PCDHGB5: variants seen among roughly 807,000 people sequenced by gnomAD.
PCDHGB5 encodes the protein protocadherin gamma subfamily B, 5.
PCDHGB5 carries 48 observed loss-of-function variants against 62.9 expected under a neutral mutation model. The ratio of observed to expected loss-of-function variants is 0.76; its 90% CI spans 0.61 to 0.97. The LOEUF (loss-of-function observed/expected upper bound fraction) is 0.97, where lower values mean the gene tolerates loss of function less well. PCDHGB5 is among the 50% of genes least tolerant of loss of function. The pLI, the probability that PCDHGB5 is intolerant of heterozygous loss-of-function variation, is 0.00. For missense variants in PCDHGB5, 1,118 were observed against 1,198.6 expected, an observed-to-expected ratio of 0.93 and a Z score of 0.99; for synonymous variants, 474 against 511.2, an observed-to-expected ratio of 0.93 and a Z score of 0.98.
intron 1 of PCDHGB5, chr5:141,442,378 GGT>G (rs2098320015): frequency 6.6e-6 from 1 of 152,334 alleles, no homozygotes; most frequent in Middle Eastern, 3.4e-3. Context: ...ATTCCTACCA[GGT>G]GTGTGCTTCT....
chr5:141,401,320 C>A (rs1420214369), intron 1 of PCDHGB5, among the ~76,000 whole-genome samples: 1 of 151,626 alleles, frequency 6.6e-6, no homozygotes, highest in East Asian at 1.9e-4. Flanking sequence ...CCAGCCTGGG[C>A]AACAAGAGCA....
chr5:141,417,507 A>G (rs573832786), intron 1 of PCDHGB5: 1 of 234,942 alleles, frequency 4.3e-6, no homozygotes, highest in Non-Finnish European at 8.1e-6. Context: ...AAAGATTAAA[A>G]TATTTTGGCT....
rs778684539 is a variant in PCDHGB5 at position 141,477,205 on chromosome 5, G to A, written c.2398-17602G>A. ...CCTCCGTGTACAGCCCAGTACCCGA[G>A]GATGCCCCTCTGGGGACTGTCATCG... On this transcript the variant is annotated intron_variant, in intron 1 of 3. Transcript: ENST00000617380. The surrounding 1 kb of genome is among the most constrained non-coding windows in gnomAD (Gnocchi z 4.9). 1 of 1,614,184 alleles carries A rather than the reference G, an allele frequency of 6.2e-7. No homozygotes were observed. The highest frequency in any genetic ancestry group is 8.5e-7 in the Non-Finnish European group (1 of 1,180,042).
In PCDHGB5 at chr5:141,493,103, A is replaced by G. The variant is rs1396614836; in HGVS notation, c.2398-1704A>G. Among the ~76,000 whole-genome samples the G allele has an allele frequency of 6.6e-6, 1 of 152,086 alleles. No homozygotes were observed. The highest frequency in any genetic ancestry group is 1.5e-5 in the Non-Finnish European group (1 of 68,022). On this transcript the variant is annotated intron_variant, in intron 1 of 3. Transcript: ENST00000617380. The surrounding 1 kb of genome is among the most constrained non-coding windows in gnomAD (Gnocchi z 4.3). ...AGGAGCTTTTATTCAAAATATATCA[A>G]TGCCTAACTCTGCTCCTAGGACTGT...
At chr5:141,421,974 C>T in intron 1 of PCDHGB5, 3 of 1,609,644 alleles carry the variant, frequency 1.9e-6, no homozygotes, top group African/African-American at 1.3e-5. Flanking sequence ...CCGTATATCG[C>T]GTGAGTGTTC....
In PCDHGB5 at chr5:141,454,796, ATTTTT is replaced by A. The variant is rs61612330; in HGVS notation, c.2398-39986_2398-39982del. Among the ~76,000 whole-genome samples the A allele has an allele frequency of 4.9e-3, 378 of 77,354 alleles. 2 individuals carry two copies. Among genetic ancestry groups the A allele is most frequent in the Admixed American group, 9.2e-3 (51 of 5,544 alleles). 50.7% of individuals were successfully genotyped at this position (77,354 alleles called of 152,430 possible). On this transcript the variant is annotated intron_variant, in intron 1 of 3. Coordinates refer to ENST00000617380, the MANE Select transcript of PCDHGB5 (RefSeq NM_018925.3). ...AAGGAAATAATCCTCCATGGTTCTA[ATTTTT>A]TTTTTTTTTTTTTTTTTTTTTTTTG...
At chr5:141,473,270 T>C (rs538574742) in intron 1 of PCDHGB5, among the ~76,000 whole-genome samples, 4 of 152,326 alleles carry the variant, frequency 2.6e-5, no homozygotes, top group African/African-American at 9.6e-5. Context: ...GTGTATGCTA[T>C]GATTATTTTA....
intron 1 of PCDHGB5, among the ~76,000 whole-genome samples, chr5:141,479,077 A>G (rs1393042749): frequency 6.6e-6 from 1 of 152,224 alleles, no homozygotes; most frequent in Non-Finnish European, 1.5e-5. Context: ...ATGAAATGAA[A>G]TTCCAGGCAT....
chr5:141,423,755 G>GGGA, intron 1 of PCDHGB5: 3 of 512,508 alleles, frequency 5.9e-6, no homozygotes, highest in Non-Finnish European at 7.8e-6. Flanking sequence ...CTGTTTGGGG[G>GGGA]GGGGGTGGGG....
chr5:141,477,482 C>T lies in PCDHGB5; in HGVS notation c.2398-17325C>T, dbSNP rs1168724444. The T allele has an allele frequency of 6.2e-7, 1 of 1,614,118 alleles. No individual in the cohort carries two copies. Among genetic ancestry groups the T allele is most frequent in the Non-Finnish European group, 8.5e-7 (1 of 1,180,016 alleles). ...GTCCGACATCAATGACAACCCTCCA[C>T]AATCTTCTCAATCTTCCTACGACGT... is the stretch of plus-strand genomic sequence containing the variant. On this transcript the variant is annotated intron_variant, in intron 1 of 3. Coordinates refer to ENST00000617380, the MANE Select transcript of PCDHGB5 (RefSeq NM_018925.3). This position sits in a 1 kb window ranked among gnomAD's most constrained non-coding sequence, Gnocchi z 4.9.
At chr5:141,404,580 G>C (rs769739876) in intron 1 of PCDHGB5, 2 of 1,613,866 alleles carry the variant, frequency 1.2e-6, no homozygotes, top group Non-Finnish European at 1.7e-6. Context: ...CCACCACTTA[G>C]CAGCAATGTG....
intron 1 of PCDHGB5, among the ~76,000 whole-genome samples, chr5:141,480,195 G>C (rs1350891459): frequency 6.6e-6 from 1 of 151,182 alleles, no homozygotes; most frequent in African/African-American, 2.4e-5. Flanking sequence ...CTTGAGGCCA[G>C]CAGTTCAAGA....
intron 1 of PCDHGB5, chr5:141,415,000 T>G: frequency 6.2e-7 from 1 of 1,613,660 alleles, no homozygotes; most frequent in Non-Finnish European, 8.5e-7. Context: ...CGCCTGGCTG[T>G]CCTACCGTCT....
At chr5:141,463,261 T>G (rs552225283) in intron 1 of PCDHGB5, among the ~76,000 whole-genome samples, 29 of 152,134 alleles carry the variant, frequency 1.9e-4, no homozygotes, top group African/African-American at 6.3e-4. Context: ...TAGTACTCTA[T>G]CCCATAAATT....
Position 141,490,019 on chromosome 5 carries a change from T to C in PCDHGB5, c.2398-4788T>C. 2 of 1,614,272 alleles carry C rather than the reference T, an allele frequency of 1.2e-6. No homozygotes were observed. Among genetic ancestry groups the C allele is most frequent in the East Asian group, 2.2e-5 (1 of 44,886 alleles). ...CCAGAGAATGCACCCATTGGTACTCTGCTGCTCCGCCTCAATGCCACTGAT... is the reference window on the plus strand; with the variant it reads ...CCAGAGAATGCACCCATTGGTACTCCGCTGCTCCGCCTCAATGCCACTGAT... On this transcript the variant is annotated intron_variant, in intron 1 of 3. Coordinates refer to ENST00000617380, the MANE Select transcript of PCDHGB5 (RefSeq NM_018925.3). This position sits in a 1 kb window ranked among gnomAD's most constrained non-coding sequence, Gnocchi z 5.4.
At chr5:141,411,895 A>G (rs945335839) in intron 1 of PCDHGB5, 1 of 152,254 alleles carries the variant, frequency 6.6e-6, no homozygotes, top group Non-Finnish European at 1.5e-5. Context: ...TAAATGAAAT[A>G]CTATTGCCTT....
At chr5:141,436,632 G>T (rs763510513) in intron 1 of PCDHGB5, among the ~76,000 whole-genome samples, 2 of 152,130 alleles carry the variant, frequency 1.3e-5, no homozygotes, top group Non-Finnish European at 2.9e-5. Context: ...TTCACAACAT[G>T]CAATTAATTA....
chr5:141,420,454 TATTCAAAGAC>T, intron 1 of PCDHGB5: 1 of 968,104 alleles, frequency 1.0e-6, no homozygotes, highest in Admixed American at 3.7e-5. Context: ...GTCTTCCTAC[TATTCAAAGAC>T]ATTTTAAAGC....
At position 141,430,830 on chromosome 5, in the gene PCDHGB5, G is replaced by A. The variant is rs754181300; in HGVS notation, c.2397+30306G>A. The stretch of plus-strand genomic sequence containing the variant: ...CTGGGAATCCTCCTGGGGACTCTGT[G>A]GGAGACCGGATGCACCCAGATACGC... On this transcript the variant is annotated intron_variant, in intron 1 of 3. Coordinates refer to ENST00000617380, the MANE Select transcript of PCDHGB5 (RefSeq NM_018925.3). 8 of 1,554,850 alleles carry A rather than the reference G, an allele frequency of 5.1e-6. No homozygotes were observed. The East Asian group carries it at 1.6e-4, about 31-fold the overall frequency.
Sources: gnomAD v4.1 joint callset for allele counts (sites outside exome capture counted in the v4.1 genomes callset) on GRCh38, gnomAD v4.1.1 for gene constraint, Gnocchi (gnomAD v3.1) non-coding constraint, MANE v1.5 for transcripts, NCBI Gene and HGNC (gene_info 2026-07-23, HGNC 2026-07-21) for gene names.